The following SETD7 variants were observed in gnomAD, a reference collection of about 807,000 sequenced individuals.
SETD7 encodes the protein histone-lysine N-methyltransferase SETD7.
SETD7 carries 16 observed loss-of-function variants against 41.8 expected under a neutral mutation model. The ratio of observed to expected loss-of-function variants is 0.38; its 90% CI spans 0.26 to 0.58. The LOEUF (loss-of-function observed/expected upper bound fraction) is 0.58, where lower values mean the gene tolerates loss of function less well. Ranked by LOEUF, SETD7 falls within the 20% of genes least tolerant of loss-of-function variation. SETD7 has a pLI of 0.64. For missense variants in SETD7, 346 were observed against 459.7 expected (o/e 0.75, Z 2.26); for synonymous variants, 163 against 169.7 (o/e 0.96, Z 0.31).
In SETD7 at chr4:139,520,361, A is replaced by C; in HGVS notation, c.678T>G (p.Ala226=). ...CTACCTTTGAAAAAAGTCCTTCTCCAGCACTGGAAATAAGAGATTCAGCAA... is the reference window on the plus strand; with the variant it reads ...CTACCTTTGAAAAAAGTCCTTCTCCCGCACTGGAAATAAGAGATTCAGCAA... ...VYVAESLISS[A]GEGLFSKVAV... is the part of the protein sequence containing the mutation. Residue 226 remains alanine, a synonymous_variant, in exon 6 of 8, where the codon GCT becomes GCG. Transcript: ENST00000274031. The C allele has an allele frequency of 2.5e-6, 4 of 1,609,250 alleles. No individual in the cohort carries two copies. The highest frequency in any genetic ancestry group is 3.4e-6 in the Non-Finnish European group (4 of 1,177,608).
chr4:139,554,832 T>C (rs775612424), intron 1 of SETD7, among the ~76,000 whole-genome samples: 1 of 152,258 alleles, frequency 6.6e-6, no homozygotes, highest in Non-Finnish European at 1.5e-5. Flanking sequence ...GTTATGTTTA[T>C]GAAAACATTA....
rs199996826 is a variant in SETD7 at position 139,547,063 on chromosome 4, A to G, written c.41-14T>C. 68 of 1,613,566 alleles carry G rather than the reference A, an allele frequency of 4.2e-5. No individual in the cohort carries two copies. In the African/African-American group the frequency reaches 8.0e-4, roughly 19 times the overall value. On this transcript the variant is annotated splice_polypyrimidine_tract_variant and intron_variant, in intron 1 of 7. Transcript: ENST00000274031. Reference sequence around the variant, plus strand: ...CGTCCAGGTGCCCTGGAGAAAGGGAACCACAAGGCAAACCTTAACATCTTC... The same window carrying G: ...CGTCCAGGTGCCCTGGAGAAAGGGAGCCACAAGGCAAACCTTAACATCTTC...
chr4:139,493,237 G>C (rs1358341129), downstream of SETD7, among the ~76,000 whole-genome samples: 1 of 152,218 alleles, frequency 6.6e-6, no homozygotes, highest in African/African-American at 2.4e-5. Context: ...CGGTCAAGGA[G>C]GGCACCTCTG....
intron 4 of SETD7, among the ~76,000 whole-genome samples, chr4:139,524,598 G>A (rs1434658298): frequency 6.6e-6 from 1 of 152,212 alleles, no homozygotes; most frequent in African/African-American, 2.4e-5. Context: ...GCTTCTTCCT[G>A]CTGCCTTCTC....
At chr4:139,532,032 T>C (rs1364546851) in intron 3 of SETD7, among the ~76,000 whole-genome samples, 2 of 152,268 alleles carry the variant, frequency 1.3e-5, no homozygotes, top group Non-Finnish European at 1.5e-5. Context: ...AGGCAGAGGT[T>C]GCAGTAAGCC....
intron 3 of SETD7, among the ~76,000 whole-genome samples, chr4:139,531,686 T>G (rs1237274894): frequency 6.6e-6 from 1 of 152,262 alleles, no homozygotes; most frequent in Non-Finnish European, 1.5e-5. Flanking sequence ...TAACTTATTT[T>G]TTAAGAACAA....
At chr4:139,532,043 G>A (rs565220049) in intron 3 of SETD7, among the ~76,000 whole-genome samples, 5 of 152,292 alleles carry the variant, frequency 3.3e-5, no homozygotes, top group Admixed American at 2.0e-4. Context: ...GCAGTAAGCC[G>A]ACATGGCACC....
rs1038937398 is a variant in SETD7, at chr4:139,506,703, A to G, written c.*4960T>C. On this transcript the variant is annotated 3_prime_UTR_variant, in exon 8 of 8. Coordinates refer to ENST00000274031, the MANE Select transcript of SETD7 (RefSeq NM_030648.4). ...TTATATCCAGGACCAAAGTGGAAAA[A>G]AAACCCCACTCAAGTTGAATATCAT... 5.9e-5 allele frequency: 9 copies of G among 152,646 alleles called. No individual in the cohort carries two copies. The highest frequency in any genetic ancestry group is 1.9e-4 in the African/African-American group (8 of 41,452). 9.5% of individuals were successfully genotyped at this position (152,646 alleles called of 1,614,324 possible).
chr4:139,544,362 G>GAA (rs371452781), intron 2 of SETD7, among the ~76,000 whole-genome samples: 6 of 147,904 alleles, frequency 4.1e-5, no homozygotes, highest in African/African-American at 1.5e-4. Flanking sequence ...GCCTCAAAAG[G>GAA]AAAAAAAAAA....
At chr4:139,537,790 ATTC>A (rs1287213657) in intron 2 of SETD7, among the ~76,000 whole-genome samples, 1 of 152,242 alleles carries the variant, frequency 6.6e-6, no homozygotes, top group Non-Finnish European at 1.5e-5. Context: ...TGCAGGGAGC[ATTC>A]TTATATGAAT....
intron 1 of SETD7, among the ~76,000 whole-genome samples, chr4:139,550,453 T>C (rs938018819): frequency 1.3e-5 from 2 of 152,156 alleles, no homozygotes; most frequent in Non-Finnish European, 2.9e-5. Flanking sequence ...TTAAAGGAAC[T>C]AGAGATTAAG....
chr4:139,496,409 G>A (rs1321453658), exon 8 of SETD7: 5 of 702,484 alleles, frequency 7.1e-6, no homozygotes, highest in East Asian at 2.7e-5. Context: ...CTATAAAGAG[G>A]AATGCCAGCT....
chr4:139,516,768 T>C (rs1234364904), intron 7 of SETD7, among the ~76,000 whole-genome samples: 1 of 152,196 alleles, frequency 6.6e-6, no homozygotes. Context: ...GATAATTCAG[T>C]GGCCTTTCAA....
At chr4:139,516,379 T>C (rs1002114825) in intron 7 of SETD7, among the ~76,000 whole-genome samples, 2 of 148,454 alleles carry the variant, frequency 1.3e-5, no homozygotes, top group Non-Finnish European at 3.0e-5. Flanking sequence ...GGTGGGAGAA[T>C]TGCTTGAACC....
chr4:139,546,922 G>T lies in SETD7; in HGVS notation c.168C>A (p.Gly56=), dbSNP rs374146620. ...NGRGKFFFFD[G]STLEGYYVDD... ...CAAAATAAAACTGTGAGTGCTACCTGCCATCAAAGAAGAAGAACTTCCCCC... is the reference window on the plus strand; with the variant it reads ...CAAAATAAAACTGTGAGTGCTACCTTCCATCAAAGAAGAAGAACTTCCCCC... The change falls in exon 2 of 8, where the codon GGC becomes GGA. Residue 56 remains glycine, a splice_region_variant and synonymous_variant. Transcript: ENST00000274031. 108 of 1,614,052 alleles carry T rather than the reference G, an allele frequency of 6.7e-5. No homozygotes were observed. The highest frequency in any genetic ancestry group is 8.9e-5 in the Non-Finnish European group (105 of 1,180,028).
At chr4:139,493,385 G>A (rs1479086470), downstream of SETD7, among the ~76,000 whole-genome samples, 2 of 152,196 alleles carry the variant, frequency 1.3e-5, no homozygotes, top group Non-Finnish European at 2.9e-5. Context: ...GGAACAGAAG[G>A]TCTGGCTGGA....
At chr4:139,494,798 C>T (rs1013753216), downstream of SETD7, among the ~76,000 whole-genome samples, 4 of 152,176 alleles carry the variant, frequency 2.6e-5, no homozygotes, top group Non-Finnish European at 4.4e-5. Context: ...AGCATCCTCG[C>T]GGTTCACTCA....
chr4:139,500,707 C>T (rs1173565196), intron 7 of SETD7, among the ~76,000 whole-genome samples: 4 of 152,158 alleles, frequency 2.6e-5, no homozygotes, highest in Non-Finnish European at 5.9e-5. Context: ...CGGGGTTTTG[C>T]CATGTTGGCA....
intron 5 of SETD7, among the ~76,000 whole-genome samples, chr4:139,522,487 AT>A (rs1727203481): frequency 6.6e-6 from 1 of 152,232 alleles, no homozygotes; most frequent in South Asian, 2.1e-4. Flanking sequence ...CTTGTCATTT[AT>A]AAGCTAGAAT....
Sources: allele counts gnomAD v4.1 joint callset (sites outside exome capture counted in the v4.1 genomes callset), GRCh38; gene constraint gnomAD v4.1.1; transcripts MANE v1.5; gene names NCBI Gene and HGNC (gene_info 2026-07-23, HGNC 2026-07-21).